The following RGS12 variants were observed in gnomAD, a reference collection of about 807,000 sequenced individuals.
RGS12 encodes regulator of G-protein signaling 12.
RGS12 carries 66 observed loss-of-function variants against 120.1 expected under a neutral mutation model. That is an observed-to-expected ratio of 0.55 (90% confidence interval 0.45 to 0.67). RGS12 has a LOEUF of 0.67. Ranked by LOEUF, RGS12 falls within the 30% of genes least tolerant of loss-of-function variation. The pLI, the probability that RGS12 is intolerant of heterozygous loss-of-function variation, is 0.00. For missense variants in RGS12, 1,859 were observed against 1,957.7 expected, an observed-to-expected ratio of 0.95 and a Z score of 0.95; for synonymous variants, 827 against 804.7, an observed-to-expected ratio of 1.03 and a Z score of -0.47.
intron 1 of RGS12, chr4:3,313,181 A>G (rs913038152): frequency 2.0e-5 from 3 of 152,280 alleles, no homozygotes; most frequent in Non-Finnish European, 4.4e-5. Context: ...GGTGGACTGC[A>G]TAGAAGACAT....
chr4:3,400,514 G>A (rs1329361695), intron 4 of RGS12, among the ~76,000 whole-genome samples: 1 of 151,872 alleles, frequency 6.6e-6, no homozygotes, highest in Non-Finnish European at 1.5e-5. Context: ...GAGGCCAAAG[G>A]AGCATCTAAT....
Position 3,403,784 on chromosome 4 carries a change from G to A in RGS12, c.2021-10288G>A, listed in dbSNP as rs147707042. 2.0e-3 allele frequency among the ~76,000 whole-genome samples: 306 copies of A among 152,332 alleles called. 3 individuals are homozygous for A. In the East Asian group the frequency reaches 0.021, roughly 10 times the overall value. On this transcript the variant is annotated intron_variant, in intron 4 of 17. Coordinates refer to ENST00000336727, the MANE Select transcript of RGS12 (RefSeq NM_001394154.1). ...AAGCCAGCCCCTCACAGGGATTCCC[G>A]TAAGATTTCTCTGGGAAGAAAGGCC...
chr4:3,368,830 G>A (rs1158027203), intron 3 of RGS12, among the ~76,000 whole-genome samples: 2 of 151,940 alleles, frequency 1.3e-5, no homozygotes, highest in East Asian at 3.9e-4. Context: ...GAGAGATGTG[G>A]CTTAGCCCAG....
rs1467052617 is a variant in RGS12 at position 3,430,670 on chromosome 4, TCAGCCTC to T, written c.3835_3841del (p.Ser1279ProfsTer60). On this transcript the variant is annotated frameshift_variant, in exon 17 of 18. Transcript: ENST00000336727. LOFTEE classifies it high-confidence loss of function. Reference sequence around the variant, plus strand: ...CGACAGCCCGTCCACCAGCCCGGGCTCAGCCTCCAGCCCCCCTGGACCTCCTGGGACG... The same window carrying T: ...CGACAGCCCGTCCACCAGCCCGGGCTCAGCCCCCCTGGACCTCCTGGGACG... The T allele has an allele frequency of 6.3e-7, 1 of 1,587,374 alleles. No homozygotes were observed. Among genetic ancestry groups the T allele is most frequent in the Non-Finnish European group, 8.6e-7 (1 of 1,166,294 alleles).
At chr4:3,370,201 C>T (rs371235739) in intron 3 of RGS12, 409 of 1,585,914 alleles carry the variant, frequency 2.6e-4, no homozygotes, top group Non-Finnish European at 3.2e-4. Context: ...TTTTCTCACA[C>T]GCACAAGCTG....
intron 1 of RGS12, among the ~76,000 whole-genome samples, chr4:3,299,925 G>T (rs902923508): frequency 1.3e-5 from 2 of 152,214 alleles, no homozygotes; most frequent in African/African-American, 4.8e-5. Context: ...TCTCCTCCAG[G>T]CTCACTGAGG....
chr4:3,376,275 C>G lies in RGS12; in HGVS notation c.1999-10141C>G, dbSNP rs1329687034. The stretch of plus-strand genomic sequence containing the variant: ...ACACACACACACACACACACACACA[C>G]ACACACACACACACACACTTTAAAG... On this transcript the variant is annotated intron_variant, in intron 3 of 17. Transcript: ENST00000336727. 4.0e-5 allele frequency among the ~76,000 whole-genome samples: 6 copies of G among 151,854 alleles called. No homozygotes were observed. The East Asian group carries it at 1.2e-3, about 30-fold the overall frequency.
chr4:3,362,790 GGT>G (rs1228671812), intron 3 of RGS12, among the ~76,000 whole-genome samples: 93 of 147,202 alleles, frequency 6.3e-4, no homozygotes, highest in African/African-American at 1.2e-3. Context: ...TGTGTGTGAG[GGT>G]GTGTGTGAAT....
At chr4:3,431,877 T>C in intron 17 of RGS12, 1 of 985,574 alleles carries the variant, frequency 1.0e-6, no homozygotes, top group Non-Finnish European at 1.2e-6. Context: ...GGTTTGGTCT[T>C]GTCAGACCTG....
At chr4:3,342,680 G>GTGGA in intron 2 of RGS12, 1 of 945,928 alleles carries the variant, frequency 1.1e-6, no homozygotes, top group Non-Finnish European at 1.5e-6. Flanking sequence ...GTTTACAGAG[G>GTGGA]TGGAGGCTTT....
At chr4:3,414,027 G>T in intron 4 of RGS12, 45 bp from the exon 5 acceptor site, 1 of 1,489,806 alleles carries the variant, frequency 6.7e-7, no homozygotes, top group Non-Finnish European at 8.9e-7. Flanking sequence ...CACTGGGCCG[G>T]GGCGGAGGGC....
intron 7 of RGS12, 118 bp downstream of exon 7, chr4:3,416,239 A>G: frequency 8.4e-7 from 1 of 1,185,716 alleles, no homozygotes; most frequent in South Asian, 1.6e-5. Flanking sequence ...TCACAGACGC[A>G]GGTAGAGAAA....
At chr4:3,431,800 G>A (rs1013069859) in intron 17 of RGS12, 39 of 985,792 alleles carry the variant, frequency 4.0e-5, no homozygotes, top group East Asian at 1.1e-4. Flanking sequence ...TGCTGGGGGC[G>A]ATGGGAGCGC....
chr4:3,417,149 G>A, intron 8 of RGS12, 57 bp downstream of exon 8: 1 of 1,504,664 alleles, frequency 6.6e-7, no homozygotes, highest in Non-Finnish European at 8.9e-7. Flanking sequence ...TCAGCTGAGA[G>A]CTGTTCTGTG....
At chr4:3,308,916 T>G (rs1000539144) in intron 1 of RGS12, among the ~76,000 whole-genome samples, 3 of 152,176 alleles carry the variant, frequency 2.0e-5, no homozygotes, top group African/African-American at 7.2e-5. Flanking sequence ...CTGTTTTCCT[T>G]ATGTTGCAGC....
At chr4:3,343,784 C>A (rs918373066) in intron 3 of RGS12, among the ~76,000 whole-genome samples, 2 of 152,034 alleles carry the variant, frequency 1.3e-5, no homozygotes, top group African/African-American at 4.8e-5. Context: ...ACTCTGACAA[C>A]CACTGATCCT....
In RGS12 at chr4:3,309,342, CCGGGAA is replaced by C. The variant is rs1560645265; in HGVS notation, c.-101-6727_-101-6722del. Among the ~76,000 whole-genome samples, 1,034 of 108,652 alleles carry C rather than the reference CCGGGAA, an allele frequency of 9.5e-3. 39 individuals carry two copies. Among genetic ancestry groups the C allele is most frequent in the African/African-American group, 0.03 (840 of 27,690 alleles). 71.3% of individuals were successfully genotyped at this position (108,652 alleles called of 152,430 possible). A position where few individuals can be genotyped will look rare whatever the true frequency, so the allele number is the denominator to read the frequency against. On this transcript the variant is annotated intron_variant, in intron 1 of 17. Transcript: ENST00000336727. Reference sequence around the variant, plus strand: ...AACCGGGTGGGAGAGGAGCTGGGATCCGGGAATGGCAGGTGTCCGCTGAGGGGAACC... The same window carrying C: ...AACCGGGTGGGAGAGGAGCTGGGATCTGGCAGGTGTCCGCTGAGGGGAACC...
chr4:3,314,293 G>A (rs999898107), intron 1 of RGS12: 1 of 152,108 alleles, frequency 6.6e-6, no homozygotes. Context: ...TAGCTTTTAT[G>A]TGTGTAAATT....
At chr4:3,437,987 C>T (rs1435755089) in intron 17 of RGS12, among the ~76,000 whole-genome samples, 5 of 152,156 alleles carry the variant, frequency 3.3e-5, no homozygotes, top group Admixed American at 1.3e-4. Flanking sequence ...GCCACGGAGC[C>T]GCTGGGGCAG....
Sources: allele counts gnomAD v4.1 joint callset (sites outside exome capture counted in the v4.1 genomes callset), GRCh38; gene constraint gnomAD v4.1.1; transcripts MANE v1.5; gene names NCBI Gene and HGNC (gene_info 2026-07-23, HGNC 2026-07-21).